Variants in MGST2 observed in about 807,000 individuals in gnomAD.
MGST2 encodes glutathione peroxidase MGST2.
In MGST2, 9 loss-of-function variants were observed where a neutral mutation model predicts 16.6. The ratio of observed to expected loss-of-function variants is 0.54; its 90% CI spans 0.33 to 0.95. MGST2 has a LOEUF of 0.95. MGST2 is among the 40% of genes least tolerant of loss of function. MGST2 has a pLI of 0.03. For synonymous variants in MGST2, 79 were observed against 68.0 expected (o/e 1.16, Z -0.79); for missense variants, 159 against 175.1 (o/e 0.91, Z 0.52).
chr4:139,670,764 A>T (rs1440612797), intron 1 of MGST2, among the ~76,000 whole-genome samples: 2 of 151,974 alleles, frequency 1.3e-5, no homozygotes, highest in African/African-American at 4.8e-5. Flanking sequence ...AATACAAAAA[A>T]TTAGCTGAGT....
intron 2 of MGST2, among the ~76,000 whole-genome samples, chr4:139,688,171 A>C (rs1377382): frequency 3.3e-5 from 5 of 152,212 alleles, no homozygotes; most frequent in Non-Finnish European, 7.3e-5. Context: ...ATTATTAAGC[A>C]TCTTTCATCT....
intron 5 of MGST2, among the ~76,000 whole-genome samples, chr4:139,724,502 A>G (rs1408151088): frequency 1.3e-5 from 2 of 152,220 alleles, no homozygotes; most frequent in African/African-American, 4.8e-5. Flanking sequence ...GATAAAGTTC[A>G]GGGATACTTG....
intron 5 of MGST2, among the ~76,000 whole-genome samples, chr4:139,723,571 C>A (rs1438187651): frequency 6.6e-6 from 1 of 152,154 alleles, no homozygotes; most frequent in Non-Finnish European, 1.5e-5. Context: ...CTCGGCCTCC[C>A]AACGTGCTGG....
intron 1 of MGST2, among the ~76,000 whole-genome samples, chr4:139,667,031 A>G (rs1730393270): frequency 6.6e-6 from 1 of 152,224 alleles, no homozygotes; most frequent in Non-Finnish European, 1.5e-5. Context: ...TTTGTTTCTA[A>G]TTAAAGAAGC....
chr4:139,703,219 G>C (rs891967109), intron 3 of MGST2, among the ~76,000 whole-genome samples: 1 of 151,982 alleles, frequency 6.6e-6, no homozygotes, highest in African/African-American at 2.4e-5. Context: ...GAGCTACCAC[G>C]TCCAGCCTCA....
chr4:139,695,105 A>C (rs1165003833), intron 2 of MGST2, 92 bp from the exon 3 acceptor site: 3 of 874,938 alleles, frequency 3.4e-6, no homozygotes, highest in Non-Finnish European at 5.7e-6. Flanking sequence ...ATTTTGTTAA[A>C]ATAGGCTGAA....
intron 5 of MGST2, among the ~76,000 whole-genome samples, chr4:139,738,946 T>C (rs1366970411): frequency 6.6e-6 from 1 of 152,198 alleles, no homozygotes; most frequent in Non-Finnish European, 1.5e-5. Flanking sequence ...GGTAGAAGCT[T>C]CTAACTTTCC....
chr4:139,707,683 G>C (rs556954643), downstream of MGST2, among the ~76,000 whole-genome samples: 18 of 150,202 alleles, frequency 1.2e-4, no homozygotes, highest in Non-Finnish European at 3.0e-5. Flanking sequence ...CAGTGTAAAA[G>C]TGTTCCTATT....
At chr4:139,744,760 T>G (rs1021450821), downstream of MGST2, among the ~76,000 whole-genome samples, 1 of 151,980 alleles carries the variant, frequency 6.6e-6, no homozygotes, top group African/African-American at 2.4e-5. Flanking sequence ...AAGGTGCACT[T>G]CACGGAAAAG....
At chr4:139,730,504 G>C in intron 5 of MGST2, 1 of 1,555,606 alleles carries the variant, frequency 6.4e-7, no homozygotes, top group South Asian at 1.2e-5. Flanking sequence ...TATCAACTGG[G>C]CCCGCTGATC....
intron 5 of MGST2, among the ~76,000 whole-genome samples, chr4:139,739,681 T>TA: frequency 7.3e-6 from 1 of 137,242 alleles, no homozygotes; most frequent in Non-Finnish European, 1.5e-5. Flanking sequence ...GGAAAGCAGT[T>TA]TTTTTTTTTT....
chr4:139,703,839 C>G (rs989204248), intron 4 of MGST2, among the ~76,000 whole-genome samples, 177 bp from the exon 5 acceptor site: 2 of 152,308 alleles, frequency 1.3e-5, no homozygotes, highest in Admixed American at 6.5e-5. Flanking sequence ...TTCAAAGAAA[C>G]CAAGTGATCT....
chr4:139,701,450 C>T (rs1167136000), intron 3 of MGST2, among the ~76,000 whole-genome samples: 1 of 152,118 alleles, frequency 6.6e-6, no homozygotes, highest in Non-Finnish European at 1.5e-5. Context: ...CAGATGTCAT[C>T]CCCTCCAGAG....
chr4:139,707,172 G>T (rs1426773164), downstream of MGST2, among the ~76,000 whole-genome samples: 1 of 152,088 alleles, frequency 6.6e-6, no homozygotes, highest in African/African-American at 2.4e-5. Flanking sequence ...TTTAGCATTA[G>T]GTATATCTCC....
At chr4:139,751,436 A>G in the MGST2 span, among the ~76,000 whole-genome samples, 1 of 152,236 alleles carries the variant, frequency 6.6e-6, no homozygotes, top group Non-Finnish European at 1.5e-5. Context: ...TGTGAAGGTA[A>G]TTACATACAA....
intron 5 of MGST2, chr4:139,731,435 TAAAAAAAAAAAAAAAAA>T (rs70943437): frequency 1.8e-4 from 7 of 38,718 alleles, no homozygotes; most frequent in East Asian, 9.3e-4. Flanking sequence ...CTGTCTCTAC[TAAAAAAAAAAAAAAAAA>T]AAAAAAAAAA....
chr4:139,672,798 G>A (rs1054185547), intron 1 of MGST2, among the ~76,000 whole-genome samples: 8 of 152,126 alleles, frequency 5.3e-5, no homozygotes, highest in African/African-American at 1.9e-4. Context: ...TGATCCACTA[G>A]CCTCAGCCTC....
At chr4:139,698,635 C>G (rs946784801) in intron 3 of MGST2, 10 of 863,578 alleles carry the variant, frequency 1.2e-5, no homozygotes, top group Admixed American at 2.0e-5. Flanking sequence ...CGTTGGAGAG[C>G]CAAGTATGTG....
chr4:139,682,242 TAAA>T (rs10711495), intron 2 of MGST2, among the ~76,000 whole-genome samples: 2 of 144,672 alleles, frequency 1.4e-5, no homozygotes. Flanking sequence ...TAATTGGTGC[TAAA>T]AAAAAAAAAA....
Sources: allele counts gnomAD v4.1 joint callset (sites outside exome capture counted in the v4.1 genomes callset), GRCh38; gene constraint gnomAD v4.1.1; transcripts MANE v1.5; gene names NCBI Gene and HGNC (gene_info 2026-07-23, HGNC 2026-07-21).